The following KLHL14 variants were observed in gnomAD, a reference collection of about 807,000 sequenced individuals.
KLHL14 encodes kelch like family member 14.
In KLHL14, 22 loss-of-function variants were observed where a neutral mutation model predicts 64.3. The observed-to-expected ratio is 0.34, with a 90% CI of 0.24 to 0.49. KLHL14 has a LOEUF of 0.49. Among genes scored for constraint, KLHL14 ranks in the 20% least tolerant of loss-of-function variants. The probability of loss-of-function intolerance (pLI) is 0.99; values close to 1 mark genes in which losing one functional copy is unlikely to be tolerated. For synonymous variants in KLHL14, 322 were observed against 333.4 expected, an observed-to-expected ratio of 0.97 and a Z score of 0.37; for missense variants, 661 against 789.0, an observed-to-expected ratio of 0.84 and a Z score of 1.94.
intron 3 of KLHL14, 112 bp downstream of exon 3, chr18:32,741,816 G>T: frequency 8.1e-7 from 1 of 1,232,336 alleles, no homozygotes; most frequent in Non-Finnish European, 1.1e-6. Context: ...CCTCCAAAGG[G>T]GAACAAATCA....
Position 32,683,183 on chromosome 18 carries a change from G to T in KLHL14, c.1239-2584C>A, listed in dbSNP as rs964813416. ...ACACCTGGTCAGCCTGTCAGAACCT[G>T]CTCTCTTTTCTAGCCAAGGCGTTCT... On this transcript the variant is annotated intron_variant, in intron 5 of 8. Coordinates refer to ENST00000359358, the MANE Select transcript of KLHL14 (RefSeq NM_020805.3). The surrounding 1 kb of genome is among the most constrained non-coding windows in gnomAD (Gnocchi z 4.2). Among the ~76,000 whole-genome samples the T allele has an allele frequency of 6.6e-6, 1 of 151,998 alleles. No individual in the cohort carries two copies. Among genetic ancestry groups the T allele is most frequent in the Non-Finnish European group, 1.5e-5 (1 of 67,992 alleles).
chr18:32,758,082 ATCTCTC>A (rs552965449), intron 2 of KLHL14, among the ~76,000 whole-genome samples: 1 of 150,936 alleles, frequency 6.6e-6, no homozygotes, highest in African/African-American at 2.4e-5. Context: ...TTGAATAGAC[ATCTCTC>A]TCTCTCTCTC....
intron 2 of KLHL14, among the ~76,000 whole-genome samples, chr18:32,753,404 C>T (rs2050266407): frequency 6.8e-6 from 1 of 146,144 alleles, no homozygotes. Flanking sequence ...CACTTCTCAT[C>T]CCGCCCCTTC....
chr18:32,687,086 A>C, intron 5 of KLHL14, 69 bp downstream of exon 5: 1 of 1,316,694 alleles, frequency 7.6e-7, no homozygotes, highest in Non-Finnish European at 1.1e-6. Flanking sequence ...TCTTACAAAA[A>C]ACCACCTAGC....
chr18:32,725,681 A>G (rs2050104661), intron 3 of KLHL14, among the ~76,000 whole-genome samples: 1 of 152,198 alleles, frequency 6.6e-6, no homozygotes, highest in Admixed American at 6.5e-5. Flanking sequence ...TAGACATAAT[A>G]TCTGCCCTCA....
At chr18:32,710,248 T>A (rs1437333260) in intron 3 of KLHL14, among the ~76,000 whole-genome samples, 1 of 152,314 alleles carries the variant, frequency 6.6e-6, no homozygotes, top group East Asian at 1.9e-4. Context: ...CATCTCCAAA[T>A]AAACAAAGTT....
intron 7 of KLHL14, among the ~76,000 whole-genome samples, chr18:32,678,969 T>C (rs544330085): frequency 1.1e-4 from 16 of 152,240 alleles, no homozygotes; most frequent in African/African-American, 3.9e-4. Flanking sequence ...CATTTTAACA[T>C]AGAAGGATAC....
chr18:32,756,445 C>A (rs958522761), intron 2 of KLHL14, among the ~76,000 whole-genome samples: 1 of 151,492 alleles, frequency 6.6e-6, no homozygotes, highest in Non-Finnish European at 1.5e-5. Flanking sequence ...GAAACACTTT[C>A]AAAAAAAACC....
intron 3 of KLHL14, among the ~76,000 whole-genome samples, chr18:32,717,355 C>T (rs1212360095): frequency 6.6e-6 from 1 of 152,170 alleles, no homozygotes; most frequent in Non-Finnish European, 1.5e-5. Flanking sequence ...TTCACATATC[C>T]TCATGGGAGC....
intron 2 of KLHL14, among the ~76,000 whole-genome samples, chr18:32,763,108 G>GTTT (rs5823861): frequency 3.6e-5 from 5 of 138,280 alleles, no homozygotes; most frequent in Admixed American, 7.1e-5. Flanking sequence ...AAGCTTCAAG[G>GTTT]TTTTTTTTTT....
At chr18:32,698,793 T>G (rs2144488919) in intron 3 of KLHL14, among the ~76,000 whole-genome samples, 1 of 152,290 alleles carries the variant, frequency 6.6e-6, no homozygotes, top group Non-Finnish European at 1.5e-5. Context: ...AGCATTTCAT[T>G]TCATCTCTAA....
intron 3 of KLHL14, among the ~76,000 whole-genome samples, chr18:32,706,741 A>G (rs2049992655): frequency 6.6e-6 from 1 of 152,044 alleles, no homozygotes; most frequent in South Asian, 2.1e-4. Context: ...TTAAGTCGTT[A>G]TGGGAATACT....
intron 2 of KLHL14, among the ~76,000 whole-genome samples, chr18:32,757,387 A>C (rs563046559): frequency 6.6e-6 from 1 of 152,340 alleles, no homozygotes; most frequent in South Asian, 2.1e-4. Flanking sequence ...GTCGGAATCC[A>C]CTTGGTGATA....
chr18:32,766,676 C>G (rs553747529), intron 2 of KLHL14, among the ~76,000 whole-genome samples: 1 of 152,128 alleles, frequency 6.6e-6, no homozygotes, highest in East Asian at 1.9e-4. Context: ...TACAGAGTGA[C>G]AAGTTTCTTA....
At chr18:32,690,675 G>A (rs1390093822) in intron 4 of KLHL14, among the ~76,000 whole-genome samples, 1 of 152,148 alleles carries the variant, frequency 6.6e-6, no homozygotes, top group Non-Finnish European at 1.5e-5. Context: ...GTTGCAGTGA[G>A]CCAAGATCGC....
intron 5 of KLHL14, among the ~76,000 whole-genome samples, chr18:32,684,038 T>C (rs186590122): frequency 6.6e-6 from 1 of 152,292 alleles, no homozygotes; most frequent in African/African-American, 2.4e-5. Context: ...TCTTTTTCTA[T>C]TTTTTTAGAT....
At chr18:32,752,923 T>C (rs2050263379) in intron 2 of KLHL14, among the ~76,000 whole-genome samples, 1 of 151,362 alleles carries the variant, frequency 6.6e-6, no homozygotes, top group African/African-American at 2.4e-5. Flanking sequence ...GGATTCTGAT[T>C]CAATGATCTG....
intron 2 of KLHL14, among the ~76,000 whole-genome samples, chr18:32,755,552 T>C (rs974531459): frequency 3.1e-4 from 47 of 152,222 alleles, no homozygotes; most frequent in Admixed American, 1.8e-3. Flanking sequence ...CAAAAATTTT[T>C]CCCCATTTTT....
In KLHL14 at chr18:32,771,613, CAG is replaced by C. The variant is rs1337385909; in HGVS notation, c.-43-981_-43-980del. ...CCAGCGAGGGGCGGCACCGAGGACT[CAG>C]GGGGAGGAAGTGGGGCTGCGAGGAC... On this transcript the variant is annotated intron_variant, in intron 1 of 8. Coordinates refer to ENST00000359358, the MANE Select transcript of KLHL14 (RefSeq NM_020805.3). Among the ~76,000 whole-genome samples the C allele has an allele frequency of 5.3e-5, 8 of 152,054 alleles. 1 individual carries two copies. Among genetic ancestry groups the C allele is most frequent in the Non-Finnish European group, 1.0e-4 (7 of 67,988 alleles).
Sources: allele counts gnomAD v4.1 joint callset (sites outside exome capture counted in the v4.1 genomes callset), GRCh38; gene constraint gnomAD v4.1.1; non-coding constraint Gnocchi (gnomAD v3.1); transcripts MANE v1.5; gene names NCBI Gene and HGNC (gene_info 2026-07-23, HGNC 2026-07-21).